SYNE2: variants seen among roughly 807,000 people sequenced by gnomAD.
SYNE2 encodes nesprin-2.
A neutral mutation model predicts 856.3 loss-of-function variants in SYNE2; 431 were observed. That is an observed-to-expected ratio of 0.50 (90% CI 0.47 to 0.55). The LOEUF (loss-of-function observed/expected upper bound fraction) is 0.55, where lower values mean the gene tolerates loss of function less well. Ranked by LOEUF, SYNE2 falls within the 20% of genes least tolerant of loss-of-function variation. SYNE2 has a pLI of 0.00. For missense variants in SYNE2, 8,129 were observed against 8,023.2 expected, an observed-to-expected ratio of 1.01 and a Z score of -0.50; for synonymous variants, 2,923 against 2,872.3, an observed-to-expected ratio of 1.02 and a Z score of -0.56.
chr14:63,983,400 A>C (rs1388274761), intron 17 of SYNE2, among the ~76,000 whole-genome samples: 3 of 152,162 alleles, frequency 2.0e-5, no homozygotes, highest in African/African-American at 4.8e-5. Flanking sequence ...TTTTTACTGT[A>C]GAGCTTTCTA....
At chr14:64,209,214 C>A in intron 101 of SYNE2, 1 of 888,338 alleles carries the variant, frequency 1.1e-6, no homozygotes, top group Non-Finnish European at 1.7e-6. Flanking sequence ...GCAGCCCTGT[C>A]TCCTGGTTTT....
chr14:63,933,307 C>T (rs2095789558), intron 2 of SYNE2, among the ~76,000 whole-genome samples: 1 of 152,156 alleles, frequency 6.6e-6, no homozygotes, highest in African/African-American at 2.4e-5. Flanking sequence ...TTTAAACCAA[C>T]TTTTGGGAAA....
intron 45 of SYNE2, among the ~76,000 whole-genome samples, chr14:64,033,152 C>G (rs8010721): frequency 0.014 from 2,185 of 151,714 alleles, 54 homozygotes; most frequent in African/African-American, 0.05. Flanking sequence ...TGGGCAATAG[C>G]ACAACACCTT....
At chr14:63,853,455 G>A (rs896842804) in intron 1 of SYNE2, among the ~76,000 whole-genome samples, 2 of 151,602 alleles carry the variant, frequency 1.3e-5, no homozygotes, top group East Asian at 1.9e-4. Context: ...CCAGCCCGCC[G>A]GTCCGCCCGG....
intron 2 of SYNE2, among the ~76,000 whole-genome samples, chr14:63,921,758 G>C (rs1335167597): frequency 1.3e-5 from 2 of 152,172 alleles, no homozygotes; most frequent in Middle Eastern, 3.2e-3. Context: ...ATAGTGGGTT[G>C]AGACATGAGT....
At chr14:63,880,638 T>C (rs1053709291) in intron 1 of SYNE2, among the ~76,000 whole-genome samples, 3 of 151,762 alleles carry the variant, frequency 2.0e-5, no homozygotes, top group Non-Finnish European at 4.4e-5. Context: ...TTGATCTTAG[T>C]ATTTTCTTAT....
chr14:63,793,768 C>G (rs192184828), intron 1 of SYNE2, among the ~76,000 whole-genome samples: 1,598 of 151,358 alleles, frequency 0.011, 32 homozygotes, highest in African/African-American at 0.037. Context: ...GAGGCCCCCC[C>G]CCAACTAAAA....
intron 6 of SYNE2, among the ~76,000 whole-genome samples, chr14:63,944,191 A>G (rs1249040110): frequency 6.6e-6 from 1 of 150,668 alleles, no homozygotes; most frequent in Non-Finnish European, 1.5e-5. Context: ...TAATTAATGT[A>G]TGTTCATATG....
In SYNE2 at chr14:63,941,958, G is replaced by T; in HGVS notation, c.311G>T (p.Arg104Leu). Residue 104 changes from arginine to leucine, a missense_variant, in exon 5 of 116, where the codon CGA becomes CTA. Around this residue, in one of 3 missense-constraint regions of SYNE2, gnomAD observed 2,422 missense variants for 2,357.4 expected, o/e 1.03. Coordinates refer to ENST00000555002, the MANE Select transcript of SYNE2 (RefSeq NM_182914.3). ...IEHALTFLRN[R>L]SIKLINIHVT... is the part of the protein sequence containing the mutation. ...CATGCCTTGACATTCCTAAGAAACC[G>T]ATCAGTAAGTATAAATTTTTCTTAA... The T allele has an allele frequency of 6.2e-7, 1 of 1,611,830 alleles. No homozygotes were observed. The highest frequency in any genetic ancestry group is 8.5e-7 in the Non-Finnish European group (1 of 1,179,064).
At chr14:64,054,398 A>G (rs2097252601) in intron 48 of SYNE2, among the ~76,000 whole-genome samples, 1 of 152,212 alleles carries the variant, frequency 6.6e-6, no homozygotes, top group Non-Finnish European at 1.5e-5. Context: ...TTGAATTTTT[A>G]TAGCAACTCT....
chr14:64,208,175 A>G, intron 100 of SYNE2: 1 of 456,022 alleles, frequency 2.2e-6, no homozygotes, highest in Non-Finnish European at 4.4e-6. Context: ...GCTGGACTTT[A>G]TCAGTTGGGG....
At chr14:63,969,376 C>G (rs1409849473) in intron 11 of SYNE2, among the ~76,000 whole-genome samples, 1 of 115,308 alleles carries the variant, frequency 8.7e-6, no homozygotes, top group African/African-American at 3.3e-5. Flanking sequence ...GGGTCTTGTT[C>G]TGTCGCCATG....
intron 1 of SYNE2, among the ~76,000 whole-genome samples, chr14:63,803,149 A>G (rs1888220024): frequency 6.6e-6 from 1 of 152,156 alleles, no homozygotes; most frequent in South Asian, 2.1e-4. Context: ...TCCCTGCGCT[A>G]GATACTAAGG....
Position 64,058,831 on chromosome 14 carries a change from C to T in SYNE2, c.10067+2565C>T, listed in dbSNP as rs117804923. 2.6e-3 allele frequency among the ~76,000 whole-genome samples: 400 copies of T among 152,166 alleles called. 10 individuals carry two copies. In the East Asian group the frequency reaches 0.061, roughly 23 times the overall value. The stretch of plus-strand genomic sequence containing the variant: ...GAGGCTATTTTCTAGATTTTGTAGG[C>T]ATGCTTTATTTTTTTCTATTCTTTT... On this transcript the variant is annotated intron_variant, in intron 49 of 115. Transcript: ENST00000555002.
chr14:64,186,238 G>A (rs909352830), intron 96 of SYNE2, among the ~76,000 whole-genome samples, 186 bp from the exon 97 acceptor site: 1 of 152,176 alleles, frequency 6.6e-6, no homozygotes, highest in African/African-American at 2.4e-5. Flanking sequence ...TTGATAAGAA[G>A]GTGGTGGAGA....
At chr14:63,893,333 C>T (rs1219160102) in intron 1 of SYNE2, among the ~76,000 whole-genome samples, 4 of 152,156 alleles carry the variant, frequency 2.6e-5, no homozygotes, top group Non-Finnish European at 5.9e-5. Context: ...CCAAAGCAGT[C>T]GGATCACTTG....
chr14:64,107,601 A>G lies in SYNE2; in HGVS notation c.12603A>G (p.Thr4201=), dbSNP rs1324146518. 1 of 1,613,512 alleles carries G rather than the reference A, an allele frequency of 6.2e-7. No individual in the cohort carries two copies. The highest frequency in any genetic ancestry group is 1.1e-5 in the South Asian group (1 of 91,078). ...GPECSLRPNQ[T]EEGTTPPIEA... ...AATGTTCCCTAAGGCCCAACCAAAC[A>G]GAAGAGGTAAGTCCTGGTTGGTAAT... is the stretch of plus-strand genomic sequence containing the variant. The change falls in exon 65 of 116, where the codon ACA becomes ACG. Residue 4201 remains threonine (T), a synonymous_variant. Coordinates refer to ENST00000555002, the MANE Select transcript of SYNE2 (RefSeq NM_182914.3).
intron 47 of SYNE2, among the ~76,000 whole-genome samples, chr14:64,050,108 G>A (rs1289702413): frequency 1.3e-5 from 2 of 152,158 alleles, no homozygotes; most frequent in African/African-American, 2.4e-5. Context: ...GCCTTGGAGG[G>A]TGGGAAGTCC....
intron 78 of SYNE2, among the ~76,000 whole-genome samples, chr14:64,134,467 A>G (rs374654798): frequency 2.6e-5 from 4 of 152,074 alleles, no homozygotes; most frequent in African/African-American, 7.2e-5. Context: ...CTAAGCCTCA[A>G]TTTCTTTATC....
Sources: allele counts gnomAD v4.1 joint callset (sites outside exome capture counted in the v4.1 genomes callset), GRCh38; gene constraint gnomAD v4.1.1; regional missense constraint gnomAD v4.1.1; transcripts MANE v1.5; gene names NCBI Gene and HGNC (gene_info 2026-07-23, HGNC 2026-07-21).